The following MOB3B variants were observed in gnomAD, a reference collection of about 807,000 sequenced individuals.
MOB3B encodes MOB kinase activator-like 2B.
Under a neutral mutation model 18.7 loss-of-function variants are expected in MOB3B, and 7 were observed. The observed-to-expected ratio is 0.37, with a 90% confidence interval of 0.21 to 0.70. MOB3B has a LOEUF of 0.70. MOB3B is among the 30% of genes least tolerant of loss of function. MOB3B has a pLI of 0.52. For synonymous variants in MOB3B, 111 were observed against 99.9 expected (o/e 1.11, Z -0.66); for missense variants, 253 against 281.3 (o/e 0.90, Z 0.72).
chr9:27,365,578 G>A (rs7039025), intron 2 of MOB3B, among the ~76,000 whole-genome samples: 2 of 152,042 alleles, frequency 1.3e-5, no homozygotes, highest in Non-Finnish European at 2.9e-5. Context: ...TGATGATATA[G>A]AAAACAATCT....
intron 2 of MOB3B, among the ~76,000 whole-genome samples, chr9:27,420,808 G>C (rs988577616): frequency 2.7e-5 from 4 of 149,906 alleles, no homozygotes; most frequent in African/African-American, 9.8e-5. Flanking sequence ...AGTGGGAGGG[G>C]GACAAGGGAT....
At position 27,529,781 on chromosome 9, in the gene MOB3B, C is replaced by T. The variant is rs903934210; in HGVS notation, c.-425G>A. The T allele has an allele frequency of 1.0e-6, 1 of 985,320 alleles. No individual in the cohort carries two copies. Among genetic ancestry groups the T allele is most frequent in the Non-Finnish European group, 1.2e-6 (1 of 829,980 alleles). 61.0% of individuals were successfully genotyped at this position (985,320 alleles called of 1,614,324 possible). On this transcript the variant is annotated 5_prime_UTR_variant, in exon 1 of 4. It adds an upstream start codon to the 5' untranslated region. Coordinates refer to ENST00000262244, the MANE Select transcript of MOB3B (RefSeq NM_024761.5). The stretch of plus-strand genomic sequence containing the variant: ...CGCTCCGGAGCAGCCCCCTCATGCA[C>T]CCAGCGCGCCGCGCAGCCGGCCGGG...
rs1248209038 is a variant in MOB3B, at chr9:27,397,620, C to T, written c.419-38384G>A. On this transcript the variant is annotated intron_variant, in intron 2 of 3. Coordinates refer to ENST00000262244, the MANE Select transcript of MOB3B (RefSeq NM_024761.5). The stretch of plus-strand genomic sequence containing the variant: ...TACTATTTTTTTAGTTCATAGAACC[C>T]TCACAAGATTCTAGTAATAACAGAA... 5 of 152,256 alleles carry T rather than the reference C, an allele frequency of 3.3e-5. No homozygotes were observed. The East Asian group carries it at 9.7e-4, about 29-fold the overall frequency. The allele number at this position is 152,256 out of a possible 1,614,324, so 9.4% of individuals were successfully genotyped here.
rs1438614312 is a variant in MOB3B, at chr9:27,327,213, A to G, written c.*3374T>C. On this transcript the variant is annotated 3_prime_UTR_variant, in exon 4 of 4. Coordinates refer to ENST00000262244, the MANE Select transcript of MOB3B (RefSeq NM_024761.5). ...GGGGATCCTGGGCCTCCTTGAGAAC[A>G]TTAAGGGATGAATGTACGTATGCAC... 5 of 152,172 alleles carry G rather than the reference A, an allele frequency of 3.3e-5. No homozygotes were observed. The highest frequency in any genetic ancestry group is 7.3e-5 in the Non-Finnish European group (5 of 68,032). The allele number at this position is 152,172 out of a possible 1,614,324, so 9.4% of individuals were successfully genotyped here. A position where few individuals can be genotyped will look rare whatever the true frequency, so the allele number is the denominator to read the frequency against.
At chr9:27,376,955 A>G (rs184672330) in intron 2 of MOB3B, among the ~76,000 whole-genome samples, 106 of 152,296 alleles carry the variant, frequency 7.0e-4, no homozygotes, top group African/African-American at 2.5e-3. Flanking sequence ...GATTTACAGA[A>G]TCTGGTGTCT....
chr9:27,358,633 G>T (rs28580499), intron 3 of MOB3B, among the ~76,000 whole-genome samples: 5,702 of 152,222 alleles, frequency 0.037, 384 homozygotes, highest in African/African-American at 0.13. Context: ...CACACAGTAG[G>T]TGCTAAATAT....
intron 2 of MOB3B, among the ~76,000 whole-genome samples, chr9:27,436,741 C>G (rs1234870087): frequency 2.0e-5 from 3 of 151,766 alleles, no homozygotes; most frequent in Non-Finnish European, 4.4e-5. Context: ...AATAAATATA[C>G]ATGACAAACA....
intron 2 of MOB3B, among the ~76,000 whole-genome samples, chr9:27,452,357 A>G (rs1414938122): frequency 1.3e-5 from 2 of 152,204 alleles, no homozygotes; most frequent in Non-Finnish European, 2.9e-5. Flanking sequence ...ATGGTATCTG[A>G]GCTGAACCTC....
rs1820499746 is a variant in MOB3B at position 27,529,604 on chromosome 9, T to G, written c.-248A>C. The G allele has an allele frequency of 1.0e-6, 1 of 985,614 alleles. No individual in the cohort carries two copies. The highest frequency in any genetic ancestry group is 4.7e-5 in the South Asian group (1 of 21,282). 61.1% of individuals were successfully genotyped at this position (985,614 alleles called of 1,614,324 possible). A position where few individuals can be genotyped will look rare whatever the true frequency, so the allele number is the denominator to read the frequency against. The stretch of plus-strand genomic sequence containing the variant: ...GGCCCGGTCGGCTCCCTTCGCCGGG[T>G]CAGCTGCAGCCAGCGCGAAAGAAAA... On this transcript the variant is annotated 5_prime_UTR_variant, in exon 1 of 4. An upstream open reading frame in the 5' UTR loses its in-frame stop. Coordinates refer to ENST00000262244, the MANE Select transcript of MOB3B (RefSeq NM_024761.5).
chr9:27,429,394 C>A (rs1822385443), intron 2 of MOB3B, among the ~76,000 whole-genome samples: 1 of 152,042 alleles, frequency 6.6e-6, no homozygotes, highest in Non-Finnish European at 1.5e-5. Context: ...CTCACACAGA[C>A]AACAGCTGAA....
chr9:27,430,164 G>A (rs1358934177), intron 2 of MOB3B, among the ~76,000 whole-genome samples: 1 of 152,120 alleles, frequency 6.6e-6, no homozygotes, highest in Non-Finnish European at 1.5e-5. Context: ...CACATCCTCT[G>A]CCAGGCACAC....
At position 27,519,515 on chromosome 9, in the gene MOB3B, C is replaced by T. The variant is rs114226559; in HGVS notation, c.-199+10040G>A. Reference sequence around the variant, plus strand: ...ACCCATGGATATGATCCAGGTCTCTCCTATTCCCTATGAGCATTTAAGAGA... The same window carrying T: ...ACCCATGGATATGATCCAGGTCTCTTCTATTCCCTATGAGCATTTAAGAGA... On this transcript the variant is annotated intron_variant, in intron 1 of 3. Coordinates refer to ENST00000262244, the MANE Select transcript of MOB3B (RefSeq NM_024761.5). Among the ~76,000 whole-genome samples the T allele has an allele frequency of 3.0e-3, 458 of 152,292 alleles. 2 individuals carry two copies. Among genetic ancestry groups the T allele is most frequent in the African/African-American group, 0.011 (443 of 41,544 alleles).
In MOB3B at chr9:27,501,852, G is replaced by A. The variant is rs544397010; in HGVS notation, c.-199+27703C>T. Among the ~76,000 whole-genome samples the A allele has an allele frequency of 5.3e-5, 8 of 151,824 alleles. No individual in the cohort carries two copies. In the East Asian group the frequency reaches 1.4e-3, roughly 26 times the overall value. On this transcript the variant is annotated intron_variant, in intron 1 of 3. Coordinates refer to ENST00000262244, the MANE Select transcript of MOB3B (RefSeq NM_024761.5). ...TTCCAGCAAGGGAAAGTAGGGAATC[G>A]AAACTGTTAGGGTAGACTTTTGTTT...
At position 27,455,444 on chromosome 9, in the gene MOB3B, G is replaced by A; in HGVS notation, c.107C>T (p.Ala36Val). Residue 36 changes from alanine to valine, a missense_variant, in exon 2 of 4, where the codon GCA (alanine) becomes GTA (valine). Ala to Val is a moderately conservative substitution (Grantham distance 64). Coordinates refer to ENST00000262244, the MANE Select transcript of MOB3B (RefSeq NM_024761.5). ...CAGGTCCACACCCGAGTTGAGGGAT[G>A]CCTGAGCCCGTTTGTGCAGCTCAAA... ...QRFELHKRAQ[A>V]SLNSGVDLKA... is the part of the protein sequence containing the mutation. 2 of 1,614,240 alleles carry A rather than the reference G, an allele frequency of 1.2e-6. 1 individual carries two copies. The highest frequency in any genetic ancestry group is 4.5e-5 in the East Asian group (2 of 44,888).
chr9:27,423,776 G>C (rs757459496), intron 2 of MOB3B, among the ~76,000 whole-genome samples: 20 of 152,164 alleles, frequency 1.3e-4, no homozygotes, highest in Non-Finnish European at 2.8e-4. Context: ...TTTAATAAAT[G>C]AATAAACTGA....
At chr9:27,484,619 G>T (rs1046045322) in intron 1 of MOB3B, among the ~76,000 whole-genome samples, 3 of 152,228 alleles carry the variant, frequency 2.0e-5, no homozygotes, top group South Asian at 4.1e-4. Flanking sequence ...CACCATAAAG[G>T]CTTCATGAAT....
intron 2 of MOB3B, among the ~76,000 whole-genome samples, chr9:27,444,254 AG>A (rs1316073811): frequency 1.9e-5 from 2 of 103,458 alleles, no homozygotes. Flanking sequence ...GAAGGAAGGA[AG>A]GAAGGAAGGA....
At chr9:27,446,454 A>T (rs978244011) in intron 2 of MOB3B, among the ~76,000 whole-genome samples, 2 of 152,198 alleles carry the variant, frequency 1.3e-5, no homozygotes, top group Non-Finnish European at 2.9e-5. Flanking sequence ...TCTAGCTGTC[A>T]AGGCCAAGCA....
At chr9:27,439,126 A>G (rs1239410971) in intron 2 of MOB3B, among the ~76,000 whole-genome samples, 1 of 152,134 alleles carries the variant, frequency 6.6e-6, no homozygotes, top group Non-Finnish European at 1.5e-5. Context: ...TTATCCTATT[A>G]AGACCTTACA....
Sources: allele counts gnomAD v4.1 joint callset (sites outside exome capture counted in the v4.1 genomes callset), GRCh38; gene constraint gnomAD v4.1.1; transcripts MANE v1.5; gene names NCBI Gene and HGNC (gene_info 2026-07-23, HGNC 2026-07-21).